The following TRAK2 variants were observed in gnomAD, a reference collection of about 807,000 sequenced individuals.
TRAK2 encodes trafficking kinesin protein 2.
TRAK2 carries 81 observed loss-of-function variants against 104.6 expected under a neutral mutation model. The observed-to-expected ratio is 0.77, with a 90% CI of 0.65 to 0.93. The LOEUF (loss-of-function observed/expected upper bound fraction) is 0.93, where lower values mean the gene tolerates loss of function less well. TRAK2 is among the 40% of genes least tolerant of loss of function. TRAK2 has a pLI of 0.00. For missense variants in TRAK2, 1,002 were observed against 1,089.0 expected, an observed-to-expected ratio of 0.92 and a Z score of 1.12; for synonymous variants, 406 against 394.4, an observed-to-expected ratio of 1.03 and a Z score of -0.35.
At chr2:201,423,031 C>A (rs1389974839) in intron 1 of TRAK2, among the ~76,000 whole-genome samples, 1 of 134,510 alleles carries the variant, frequency 7.4e-6, no homozygotes, top group African/African-American at 3.1e-5. Flanking sequence ...AACAGCAACA[C>A]CACCACCACA....
intron 2 of TRAK2, among the ~76,000 whole-genome samples, chr2:201,408,489 C>A (rs1951616056): frequency 2.0e-5 from 3 of 152,128 alleles, no homozygotes; most frequent in African/African-American, 7.2e-5. Flanking sequence ...ATGCTCATCC[C>A]TCACATATGC....
rs1272540035 is a variant in TRAK2 at position 201,387,735 on chromosome 2, G to A, written c.1664C>T (p.Pro555Leu). ...GGGCTTGACAATTTGTAATTTTTCT[G>A]GCATAAAACCTCGAAGGCAACTGGC... ...SSASCLRGFM[P>L]EKLQIVKPLE... Residue 555 changes from proline (P) to leucine (L), a missense_variant, in exon 13 of 16, where the codon CCA becomes CTA. Pro to Leu is a moderately conservative substitution (Grantham distance 98). Transcript: ENST00000332624. The A allele has an allele frequency of 6.2e-7, 1 of 1,610,092 alleles. No individual in the cohort carries two copies. Among genetic ancestry groups the A allele is most frequent in the South Asian group, 1.1e-5 (1 of 90,878 alleles).
chr2:201,384,477 A>T (rs1559436453), intron 14 of TRAK2, among the ~76,000 whole-genome samples: 3 of 152,110 alleles, frequency 2.0e-5, no homozygotes, highest in South Asian at 2.1e-4. Flanking sequence ...AAAATACATT[A>T]AAAAAATCAA....
chr2:201,414,690 C>T (rs1381637590), intron 2 of TRAK2, among the ~76,000 whole-genome samples: 5 of 152,062 alleles, frequency 3.3e-5, no homozygotes, highest in African/African-American at 4.8e-5. Context: ...GAACATATAT[C>T]CAAATTCTAT....
intron 1 of TRAK2, among the ~76,000 whole-genome samples, chr2:201,451,054 CAGAT>C (rs1290293973): frequency 2.6e-5 from 4 of 152,168 alleles, no homozygotes; most frequent in Non-Finnish European, 5.9e-5. Context: ...GACAGGGCTC[CAGAT>C]GGATGCTGTA....
Position 201,411,372 on chromosome 2 carries a change from G to A in TRAK2, c.92-3775C>T, listed in dbSNP as rs574821834. 3.3e-5 allele frequency: 24 copies of A among 736,046 alleles called. No homozygotes were observed. The African/African-American group carries it at 3.9e-4, about 12-fold the overall frequency. 45.6% of individuals were successfully genotyped at this position (736,046 alleles called of 1,614,324 possible). ...GGAATCACTGCCAGTCAGAAGGTCT[G>A]CTCCAATGTGGCTAAAAACCTTGTC... is the stretch of plus-strand genomic sequence containing the variant. On this transcript the variant is annotated intron_variant, in intron 2 of 15. Transcript: ENST00000332624.
At chr2:201,416,859 A>T (rs1951696107) in intron 2 of TRAK2, among the ~76,000 whole-genome samples, 1 of 152,064 alleles carries the variant, frequency 6.6e-6, no homozygotes, top group Non-Finnish European at 1.5e-5. Context: ...TAAAATAAAA[A>T]AAGTTTAAAA....
chr2:201,412,213 A>G, intron 2 of TRAK2: 1 of 955,992 alleles, frequency 1.0e-6, no homozygotes, highest in Non-Finnish European at 1.7e-6. Flanking sequence ...AATTCTCTGT[A>G]CAATGACATG....
chr2:201,387,660 A>G (rs1951403846), intron 13 of TRAK2, 43 bp downstream of exon 13: 1 of 1,505,954 alleles, frequency 6.6e-7, no homozygotes, highest in Non-Finnish European at 8.9e-7. Flanking sequence ...AGGAACTTCC[A>G]GTAAGTCACA....
chr2:201,409,097 C>G (rs772400356), intron 2 of TRAK2, among the ~76,000 whole-genome samples: 2 of 152,152 alleles, frequency 1.3e-5, no homozygotes, highest in Non-Finnish European at 2.9e-5. Flanking sequence ...CCTGACTCTG[C>G]ATATACCACA....
At chr2:201,418,546 T>A (rs1454428078) in intron 2 of TRAK2, among the ~76,000 whole-genome samples, 1 of 152,092 alleles carries the variant, frequency 6.6e-6, no homozygotes, top group African/African-American at 2.4e-5. Flanking sequence ...TTACAGCAAA[T>A]AAGACAATGT....
chr2:201,433,453 G>C (rs750259857), intron 1 of TRAK2: 1 of 152,136 alleles, frequency 6.6e-6, no homozygotes, highest in Non-Finnish European at 1.5e-5. Context: ...CATGGAGGTC[G>C]CTCTACTTAC....
At chr2:201,395,180 AC>A (rs144631526) in intron 8 of TRAK2, 133 bp downstream of exon 8, 210,086 of 714,824 alleles carry the variant, frequency 0.29, 32,200 homozygotes, top group Admixed American at 0.39. Context: ...GATGATTAAA[AC>A]AGCAATCAGA....
chr2:201,426,407 G>A (rs1202116690), intron 1 of TRAK2, among the ~76,000 whole-genome samples: 3 of 152,118 alleles, frequency 2.0e-5, no homozygotes, highest in African/African-American at 4.8e-5. Context: ...CCACATTATG[G>A]TGAGTTGTAT....
Position 201,395,359 on chromosome 2 carries a change from G to T in TRAK2, c.855C>A (p.Ser285=). 6.2e-7 allele frequency: 1 copy of T among 1,604,620 alleles called. No homozygotes were observed. The highest frequency in any genetic ancestry group is 1.1e-5 in the South Asian group (1 of 89,890). Residue 285 remains serine, a synonymous_variant, in exon 8 of 16, where the codon TCC becomes TCA. Coordinates refer to ENST00000332624, the MANE Select transcript of TRAK2 (RefSeq NM_015049.3). ...DELIRYQEEL[S]SLLSQIVDLQ... Reference sequence around the variant, plus strand: ...GGTCTACAATCTGTGACAAAAGAGAGGAAAGCTCTTCTTGGTATCGAATCA... The same window carrying T: ...GGTCTACAATCTGTGACAAAAGAGATGAAAGCTCTTCTTGGTATCGAATCA...
At position 201,425,777 on chromosome 2, in the gene TRAK2, G is replaced by A. The variant is rs764180583; in HGVS notation, c.-199-5071C>T. 7.6e-4 allele frequency among the ~76,000 whole-genome samples: 115 copies of A among 151,986 alleles called. 1 individual carries two copies. The highest frequency in any genetic ancestry group is 1.6e-4 in the Non-Finnish European group (11 of 67,982). ...AGAGAGAAAAAGAGAGAGAGAGAGT[G>A]AGGAGGGAAGGATGAAAAGGAACAG... On this transcript the variant is annotated intron_variant, in intron 1 of 15. Coordinates refer to ENST00000332624, the MANE Select transcript of TRAK2 (RefSeq NM_015049.3).
chr2:201,397,813 T>G, intron 6 of TRAK2: 1 of 552,702 alleles, frequency 1.8e-6, no homozygotes, highest in East Asian at 2.8e-5. Context: ...ATATTGTGAT[T>G]TTCTGAGATA....
At chr2:201,410,704 G>A (rs1373961160) in intron 2 of TRAK2, 22 of 1,391,570 alleles carry the variant, frequency 1.6e-5, no homozygotes, top group Middle Eastern at 1.8e-4. Context: ...TGAACTGCCC[G>A]TAGCTGGAGA....
chr2:201,389,607 CT>C, intron 11 of TRAK2, 104 bp from the exon 12 acceptor site: 2 of 1,174,596 alleles, frequency 1.7e-6, no homozygotes, highest in Non-Finnish European at 2.5e-6. Context: ...CCCTGAGGAG[CT>C]ATTTAGGAGA....
Sources: gnomAD v4.1 joint callset for allele counts (sites outside exome capture counted in the v4.1 genomes callset) on GRCh38, gnomAD v4.1.1 for gene constraint, MANE v1.5 for transcripts, NCBI Gene and HGNC (gene_info 2026-07-23, HGNC 2026-07-21) for gene names.